Variants in SLC26A8 observed in about 807,000 individuals in gnomAD.
The protein encoded by SLC26A8 is solute carrier family 26 member 8, also known as testis anion transporter 1.
A neutral mutation model predicts 105.0 loss-of-function variants in SLC26A8; 70 were observed. The observed-to-expected ratio is 0.67, with a 90% CI of 0.55 to 0.81. The LOEUF (loss-of-function observed/expected upper bound fraction) is 0.81. Ranked by LOEUF, SLC26A8 falls within the 40% of genes least tolerant of loss-of-function variation. The probability of loss-of-function intolerance (pLI) is 0.00; values close to 1 mark genes in which losing one functional copy is unlikely to be tolerated. For missense variants in SLC26A8, 998 were observed against 1,181.8 expected (o/e 0.84, Z 2.28); for synonymous variants, 415 against 438.3 (o/e 0.95, Z 0.66).
intron 19 of SLC26A8, among the ~76,000 whole-genome samples, chr6:35,950,694 C>T (rs1369160360): frequency 6.6e-6 from 1 of 152,112 alleles, no homozygotes; most frequent in African/African-American, 2.4e-5. Flanking sequence ...GGTAATAAAG[C>T]TGAGGTATTA....
At chr6:35,975,617 G>A in intron 9 of SLC26A8, 129 bp from the exon 10 acceptor site, 1 of 587,572 alleles carries the variant, frequency 1.7e-6, no homozygotes, top group East Asian at 2.8e-5. Context: ...ATAACAGATT[G>A]AAATATTATT....
intron 1 of SLC26A8, among the ~76,000 whole-genome samples, chr6:36,022,366 T>A (rs554862341): frequency 6.6e-6 from 1 of 152,246 alleles, no homozygotes; most frequent in African/African-American, 2.4e-5. Context: ...TTGTCCAGTA[T>A]GGTAGCCACT....
At chr6:36,020,921 CAGA>C (rs770148110) in intron 1 of SLC26A8, among the ~76,000 whole-genome samples, 1 of 152,176 alleles carries the variant, frequency 6.6e-6, no homozygotes, top group East Asian at 1.9e-4. Flanking sequence ...TGTTTTCCTT[CAGA>C]AGAATCATCA....
intron 8 of SLC26A8, among the ~76,000 whole-genome samples, chr6:35,980,051 C>T (rs1773209378): frequency 6.6e-6 from 1 of 152,206 alleles, no homozygotes; most frequent in Admixed American, 6.5e-5. Flanking sequence ...TAGCTTATTG[C>T]AACCTCCAAC....
At chr6:35,987,974 T>C (rs554634141) in intron 7 of SLC26A8, among the ~76,000 whole-genome samples, 41 of 150,442 alleles carry the variant, frequency 2.7e-4, no homozygotes, top group African/African-American at 9.3e-4. Context: ...GGCAGTGGCA[T>C]GATCTTGGCT....
chr6:36,009,908 A>G (rs1423818464), intron 3 of SLC26A8, among the ~76,000 whole-genome samples: 2 of 152,212 alleles, frequency 1.3e-5, no homozygotes, highest in Admixed American at 1.3e-4. Context: ...ATCTATAATT[A>G]TCTCAAAATA....
chr6:36,022,213 C>T (rs760935982), intron 1 of SLC26A8, among the ~76,000 whole-genome samples: 30 of 149,212 alleles, frequency 2.0e-4, no homozygotes, highest in Middle Eastern at 3.9e-3. Flanking sequence ...GTGATCCTCC[C>T]GCCTCGGCCT....
intron 5 of SLC26A8, among the ~76,000 whole-genome samples, chr6:35,995,532 A>G (rs1761325897): frequency 6.6e-6 from 1 of 152,240 alleles, no homozygotes; most frequent in Non-Finnish European, 1.5e-5. Flanking sequence ...CTACAATCAG[A>G]CAACCCTAAA....
rs1281355415 is a variant in SLC26A8, at chr6:35,968,589, A to ATGTGTGTGTG, written c.1365+278_1365+287dup. 2.8e-3 allele frequency among the ~76,000 whole-genome samples: 172 copies of ATGTGTGTGTG among 61,422 alleles called. 2 individuals carry two copies. Among genetic ancestry groups the ATGTGTGTGTG allele is most frequent in the African/African-American group, 8.7e-3 (160 of 18,422 alleles). The allele number at this position is 61,422 out of a possible 152,430, so 40.3% of individuals were successfully genotyped here. On this transcript the variant is annotated intron_variant, in intron 11 of 19. Transcript: ENST00000490799. Reference sequence around the variant, plus strand: ...TATATATAAATATACATATGTGTGTATGTGTGTGTGTGTGTGTGTGTATAT... The same window carrying ATGTGTGTGTG: ...TATATATAAATATACATATGTGTGTATGTGTGTGTGTGTGTGTGTGTGTGTGTGTGTATAT...
At chr6:36,008,776 A>C (rs1275633942) in intron 3 of SLC26A8, among the ~76,000 whole-genome samples, 1 of 152,246 alleles carries the variant, frequency 6.6e-6, no homozygotes, top group African/African-American at 2.4e-5. Context: ...AAGGTGTTAA[A>C]TATCACTAGC....
chr6:36,019,606 G>C lies in SLC26A8; in HGVS notation c.102C>G (p.Thr34=), dbSNP rs1158042687. ...CCTTCCTTTTGTGTTCCTGTTGAAA[G>C]GTCTCCTCATTGTATACTTCACGCT... is the stretch of plus-strand genomic sequence containing the variant. ...DVKREVYNEE[T]FQQEHKRKAS... The change falls in exon 2 of 20, where the codon ACC becomes ACG. Residue 34 remains threonine, a synonymous_variant. Transcript: ENST00000490799. 4 of 1,613,984 alleles carry C rather than the reference G, an allele frequency of 2.5e-6. No individual in the cohort carries two copies. In the African/African-American group the frequency reaches 5.3e-5, roughly 22 times the overall value.
chr6:36,004,135 G>A (rs1240750800), intron 3 of SLC26A8, among the ~76,000 whole-genome samples: 2 of 149,260 alleles, frequency 1.3e-5, no homozygotes, highest in African/African-American at 5.0e-5. Flanking sequence ...GAGTGCAGTG[G>A]TGTAATCACA....
intron 1 of SLC26A8, 60 bp from the exon 2 acceptor site, chr6:36,019,769 T>C: frequency 7.0e-7 from 1 of 1,432,908 alleles, no homozygotes; most frequent in Non-Finnish European, 9.3e-7. Context: ...ATCCTCGGCA[T>C]ATTTTTAAGG....
intron 16 of SLC26A8, among the ~76,000 whole-genome samples, chr6:35,958,705 G>A (rs750301586): frequency 2.6e-5 from 4 of 152,092 alleles, no homozygotes; most frequent in Non-Finnish European, 5.9e-5. Context: ...CCTGCATGGC[G>A]GGTGGAGGCA....
Position 35,944,422 on chromosome 6 carries a change from G to A in SLC26A8, c.2473-82C>T, listed in dbSNP as rs1771594885. 7.2e-6 allele frequency: 7 copies of A among 968,572 alleles called. No individual in the cohort carries two copies. In the East Asian group the frequency reaches 1.7e-4, roughly 24 times the overall value. 60.0% of individuals were successfully genotyped at this position (968,572 alleles called of 1,614,324 possible). A position where few individuals can be genotyped will look rare whatever the true frequency, so the allele number is the denominator to read the frequency against. The stretch of plus-strand genomic sequence containing the variant: ...GCAGTGGCTCATACCTGTAATCCCA[G>A]CACTTTGAGAGGCTGGGGCAGGAGA... On this transcript the variant is annotated intron_variant, in intron 19 of 19. Coordinates refer to ENST00000490799, the MANE Select transcript of SLC26A8 (RefSeq NM_052961.4).
At chr6:35,962,811 T>C (rs143799679) in intron 11 of SLC26A8, among the ~76,000 whole-genome samples, 190 bp from the exon 12 acceptor site, 256 of 152,340 alleles carry the variant, frequency 1.7e-3, no homozygotes, top group Middle Eastern at 0.01. Flanking sequence ...TTCTCTTTTC[T>C]CTTCCTTTCT....
intron 19 of SLC26A8, among the ~76,000 whole-genome samples, chr6:35,946,228 A>AT (rs924429239): frequency 3.9e-5 from 6 of 151,968 alleles, no homozygotes; most frequent in Admixed American, 3.3e-4. Context: ...GGCCACTTGA[A>AT]TTTTTTTGTT....
intron 8 of SLC26A8, 63 bp downstream of exon 8, chr6:35,982,058 G>T: frequency 2.0e-6 from 3 of 1,508,686 alleles, no homozygotes; most frequent in African/African-American, 1.4e-5. Context: ...CAGGCTGTGT[G>T]GTCAGAGGCT....
At chr6:35,966,038 A>G (rs1772506268) in intron 11 of SLC26A8, among the ~76,000 whole-genome samples, 1 of 151,728 alleles carries the variant, frequency 6.6e-6, no homozygotes, top group African/African-American at 2.4e-5. Context: ...TGTGGTCATG[A>G]AATTCCTGTA....
Sources: allele counts gnomAD v4.1 joint callset (sites outside exome capture counted in the v4.1 genomes callset), GRCh38; gene constraint gnomAD v4.1.1; transcripts MANE v1.5; gene names NCBI Gene and HGNC (gene_info 2026-07-23, HGNC 2026-07-21).